Variants in ADARB2 observed in about 807,000 individuals in gnomAD.
The protein encoded by ADARB2 is inactive double-stranded RNA-specific editase B2.
In ADARB2, 25 loss-of-function variants were observed where a neutral mutation model predicts 62.2. That is an observed-to-expected ratio of 0.40 (90% confidence interval 0.29 to 0.56). The LOEUF (loss-of-function observed/expected upper bound fraction) is 0.56. ADARB2 is among the 20% of genes least tolerant of loss of function. ADARB2 has a pLI of 0.43. For synonymous variants in ADARB2, 572 were observed against 500.8 expected (o/e 1.14, Z -1.90); for missense variants, 1,071 against 1,077.4 (o/e 0.99, Z 0.08).
intron 5 of ADARB2, among the ~76,000 whole-genome samples, chr10:1,234,947 A>G (rs1006615075): frequency 6.6e-6 from 1 of 151,972 alleles, no homozygotes; most frequent in Non-Finnish European, 1.5e-5. Context: ...TGGTTTTGCC[A>G]TGTTGGCCAG....
At chr10:1,289,616 G>A (rs1326606348) in intron 3 of ADARB2, among the ~76,000 whole-genome samples, 1 of 152,252 alleles carries the variant, frequency 6.6e-6, no homozygotes, top group Non-Finnish European at 1.5e-5. Flanking sequence ...CCAGGCCTGG[G>A]CCTCCCACTG....
chr10:1,451,108 C>T (rs1211678179), intron 1 of ADARB2, among the ~76,000 whole-genome samples: 1 of 152,240 alleles, frequency 6.6e-6, no homozygotes, highest in African/African-American at 2.4e-5. Context: ...GGAAGTCCTA[C>T]AGCAAAGAAG....
chr10:1,242,606 A>G (rs1384010562), intron 4 of ADARB2, among the ~76,000 whole-genome samples: 2 of 152,200 alleles, frequency 1.3e-5, no homozygotes, highest in African/African-American at 4.8e-5. Context: ...ACTTACTACC[A>G]GGACAGTTTT....
chr10:1,557,359 A>G (rs1405641450), intron 1 of ADARB2, among the ~76,000 whole-genome samples: 2 of 151,830 alleles, frequency 1.3e-5, no homozygotes, highest in Non-Finnish European at 2.9e-5. Context: ...CCAACTCTCA[A>G]CCCGTCAGCC....
At position 1,737,419 on chromosome 10, in the gene ADARB2, G is replaced by A; in HGVS notation, c.-269C>T. The A allele has an allele frequency of 2.2e-6, 1 of 459,174 alleles. No homozygotes were observed. Among genetic ancestry groups the A allele is most frequent in the South Asian group, 3.1e-5 (1 of 32,676 alleles). The allele number at this position is 459,174 out of a possible 1,614,324, so 28.4% of individuals were successfully genotyped here. A position where few individuals can be genotyped will look rare whatever the true frequency, so the allele number is the denominator to read the frequency against. ...GGGAGGGCGGGGAAGGGCGCGCGGC[G>A]TCCTGAGTGCTCCGAGCTTCCCGCG... is the stretch of plus-strand genomic sequence containing the variant. On this transcript the variant is annotated 5_prime_UTR_variant, in exon 1 of 10. The change creates a new upstream start codon in the 5' untranslated region. Transcript: ENST00000381312.
At chr10:1,651,379 G>T (rs1484260923) in intron 1 of ADARB2, among the ~76,000 whole-genome samples, 2 of 152,216 alleles carry the variant, frequency 1.3e-5, no homozygotes, top group African/African-American at 4.8e-5. Context: ...GGGTGGCTGG[G>T]GCAGGCCGCC....
At chr10:1,373,952 G>A (rs71494956) in intron 2 of ADARB2, among the ~76,000 whole-genome samples, 1 of 140,346 alleles carries the variant, frequency 7.1e-6, no homozygotes, top group South Asian at 2.2e-4. Context: ...AACCGCGTGG[G>A]CTCCGCGCAC....
At chr10:1,213,440 G>A (rs570205401) in intron 7 of ADARB2, among the ~76,000 whole-genome samples, 3 of 152,144 alleles carry the variant, frequency 2.0e-5, no homozygotes, top group South Asian at 4.1e-4. Flanking sequence ...GCTGGGCTTC[G>A]AGGGGCCTGG....
intron 8 of ADARB2, 104 bp from the exon 9 acceptor site, chr10:1,185,143 G>T: frequency 1.5e-6 from 2 of 1,377,500 alleles, no homozygotes; most frequent in Non-Finnish European, 1.9e-6. Context: ...GAGTGGGAAT[G>T]GTCCTCCCTT....
chr10:1,719,621 T>C (rs1276964169), intron 1 of ADARB2, among the ~76,000 whole-genome samples: 3 of 152,096 alleles, frequency 2.0e-5, no homozygotes, highest in East Asian at 1.9e-4. Flanking sequence ...AACCTACGGA[T>C]TGGGAGAAAA....
intron 1 of ADARB2, among the ~76,000 whole-genome samples, chr10:1,482,205 G>A (rs1160384700): frequency 1.3e-5 from 2 of 152,198 alleles, no homozygotes; most frequent in African/African-American, 4.8e-5. Flanking sequence ...GGAAAAGTAA[G>A]CATGATTCCT....
chr10:1,504,509 C>T (rs1406648730), intron 1 of ADARB2, among the ~76,000 whole-genome samples: 1 of 152,174 alleles, frequency 6.6e-6, no homozygotes, highest in Non-Finnish European at 1.5e-5. Flanking sequence ...AGTTCTGCTG[C>T]AGACCCCTGA....
At chr10:1,711,911 T>C (rs1016865623) in intron 1 of ADARB2, among the ~76,000 whole-genome samples, 1 of 152,328 alleles carries the variant, frequency 6.6e-6, no homozygotes, top group Admixed American at 6.5e-5. Flanking sequence ...TGAACCATGC[T>C]ATCAAGCCCC....
In ADARB2 at chr10:1,603,741, C is replaced by T. The variant is rs192126164; in HGVS notation, c.100+133310G>A. ...CAAATTTTATCGTAAAAAATGGAGT[C>T]CTAAAAATTTGATAATTTGCTTAGG... is the stretch of plus-strand genomic sequence containing the variant. On this transcript the variant is annotated intron_variant, in intron 1 of 9. Transcript: ENST00000381312. Among the ~76,000 whole-genome samples, 5 of 150,722 alleles carry T rather than the reference C, an allele frequency of 3.3e-5. No homozygotes were observed. The East Asian group carries it at 9.8e-4, about 29-fold the overall frequency.
At chr10:1,667,183 T>A (rs918022091) in intron 1 of ADARB2, among the ~76,000 whole-genome samples, 1 of 152,230 alleles carries the variant, frequency 6.6e-6, no homozygotes, top group African/African-American at 2.4e-5. Context: ...CTGAGAATGA[T>A]GAATCAAACA....
intron 1 of ADARB2, among the ~76,000 whole-genome samples, chr10:1,707,501 G>C (rs1461079260): frequency 6.6e-6 from 1 of 152,208 alleles, no homozygotes; most frequent in Non-Finnish European, 1.5e-5. Context: ...TGTAGCCTTT[G>C]AGACGTCCTG....
chr10:1,323,726 C>T (rs1460908284), intron 3 of ADARB2, among the ~76,000 whole-genome samples: 1 of 152,020 alleles, frequency 6.6e-6, no homozygotes, highest in Non-Finnish European at 1.5e-5. Context: ...GTAAATCCCA[C>T]ATCTCCATGT....
intron 1 of ADARB2, among the ~76,000 whole-genome samples, chr10:1,442,056 C>A (rs1192537612): frequency 6.6e-6 from 1 of 152,208 alleles, no homozygotes; most frequent in Non-Finnish European, 1.5e-5. Context: ...GGATCTTTCT[C>A]TAACTTGCCC....
intron 3 of ADARB2, among the ~76,000 whole-genome samples, chr10:1,302,955 C>A (rs1043120841): frequency 6.6e-6 from 1 of 152,174 alleles, no homozygotes; most frequent in African/African-American, 2.4e-5. Flanking sequence ...ACTGGAAACT[C>A]TAAAAATCAG....
Sources: gnomAD v4.1 joint callset for allele counts (sites outside exome capture counted in the v4.1 genomes callset) on GRCh38, gnomAD v4.1.1 for gene constraint, MANE v1.5 for transcripts, NCBI Gene and HGNC (gene_info 2026-07-23, HGNC 2026-07-21) for gene names.